The following HACD2 variants were observed in gnomAD, a reference collection of about 807,000 sequenced individuals.
HACD2 encodes the protein 3-hydroxyacyl-CoA dehydratase 2.
Under a neutral mutation model 31.0 loss-of-function variants are expected in HACD2, and 15 were observed. That is an observed-to-expected ratio of 0.48 (90% confidence interval 0.32 to 0.75). The LOEUF (loss-of-function observed/expected upper bound fraction) is 0.75. Ranked by LOEUF, HACD2 falls within the 30% of genes least tolerant of loss-of-function variation. The probability of loss-of-function intolerance (pLI) is 0.03; values close to 1 mark genes in which losing one functional copy is unlikely to be tolerated. For synonymous variants in HACD2, 115 were observed against 122.2 expected, an observed-to-expected ratio of 0.94 and a Z score of 0.39; for missense variants, 283 against 313.0, an observed-to-expected ratio of 0.90 and a Z score of 0.72.
Position 123,499,801 on chromosome 3 carries a change from T to C in HACD2, c.682+714A>G, listed in dbSNP as rs141953878. Among the ~76,000 whole-genome samples, 806 of 152,308 alleles carry C rather than the reference T, an allele frequency of 5.3e-3. 8 individuals are homozygous for C. The highest frequency in any genetic ancestry group is 0.019 in the African/African-American group (780 of 41,560). Reference sequence around the variant, plus strand: ...TAGAAATCAATCATAGGATTTATAATTGAACATCAGAATTCCAGCAAAGGA... The same window carrying C: ...TAGAAATCAATCATAGGATTTATAACTGAACATCAGAATTCCAGCAAAGGA... On this transcript the variant is annotated intron_variant, in intron 6 of 6. Coordinates refer to ENST00000383657, the MANE Select transcript of HACD2 (RefSeq NM_198402.5).
chr3:123,514,267 C>T (rs143577441), intron 4 of HACD2, among the ~76,000 whole-genome samples: 10 of 152,122 alleles, frequency 6.6e-5, no homozygotes, highest in African/African-American at 1.9e-4. Flanking sequence ...CAGAGTGAGA[C>T]TTGTCTCAAA....
rs144016517 is a variant in HACD2 at position 123,553,571 on chromosome 3, G to A, written c.292+14191C>T. On this transcript the variant is annotated intron_variant, in intron 3 of 6. Transcript: ENST00000383657. The stretch of plus-strand genomic sequence containing the variant: ...TGCTCTTTTCCCAGGTCATTTCTTA[G>A]GCTTGTGTTTTCAAGGAGCAACCTG... 3.4e-3 allele frequency among the ~76,000 whole-genome samples: 521 copies of A among 152,324 alleles called. 2 individuals are homozygous for A. Among genetic ancestry groups the A allele is most frequent in the African/African-American group, 0.012 (501 of 41,576 alleles).
Position 123,528,452 on chromosome 3 carries a change from G to A in HACD2, c.315C>T (p.Val105=). The A allele has an allele frequency of 3.1e-6, 5 of 1,611,410 alleles. No homozygotes were observed. Among genetic ancestry groups the A allele is most frequent in the East Asian group, 2.2e-5 (1 of 44,832 alleles). Residue 105 remains valine (V), a synonymous_variant, in exon 4 of 7, where the codon GTC becomes GTT. Transcript: ENST00000383657. ...TTGACATCACCTGGAAAGAAGTCAG[G>A]ACAACAGAAGATGGAACAATTCCTG... ...CAIGIVPSSV[V]LTSFQVMSRV... is the part of the protein sequence containing the mutation.
At chr3:123,566,307 A>G (rs1035494746) in intron 3 of HACD2, among the ~76,000 whole-genome samples, 16 of 151,936 alleles carry the variant, frequency 1.1e-4, no homozygotes. Flanking sequence ...TATTTTTTAA[A>G]CAGAGACTCA....
At chr3:123,573,894 A>G (rs1163578393) in intron 2 of HACD2, among the ~76,000 whole-genome samples, 3 of 152,152 alleles carry the variant, frequency 2.0e-5, no homozygotes, top group African/African-American at 7.2e-5. Context: ...CTAATTCATT[A>G]TTTGCTTAAT....
intron 4 of HACD2, among the ~76,000 whole-genome samples, chr3:123,524,003 A>C (rs552825260): frequency 6.6e-6 from 1 of 152,338 alleles, no homozygotes; most frequent in African/African-American, 2.4e-5. Context: ...GAGCACCAGA[A>C]ATTCCACAGT....
chr3:123,582,422 T>A, intron 1 of HACD2, 93 bp from the exon 2 acceptor site: 1 of 764,192 alleles, frequency 1.3e-6, no homozygotes, highest in Non-Finnish European at 2.0e-6. Context: ...AAGATATTGC[T>A]AAAGGTGACC....
rs2055769864 is a variant in HACD2 at position 123,492,025 on chromosome 3, T to C, written c.*2863A>G. On this transcript the variant is annotated 3_prime_UTR_variant, in exon 7 of 7. Coordinates refer to ENST00000383657, the MANE Select transcript of HACD2 (RefSeq NM_198402.5). Reference sequence around the variant, plus strand: ...TACACCTCTTCAACTCTCCAGCATCTAAACCTTTCCTGTCAGAAGTCTGCT... The same window carrying C: ...TACACCTCTTCAACTCTCCAGCATCCAAACCTTTCCTGTCAGAAGTCTGCT... 6.6e-6 allele frequency: 1 copy of C among 152,202 alleles called. No individual in the cohort carries two copies. The highest frequency in any genetic ancestry group is 1.5e-5 in the Non-Finnish European group (1 of 68,034). 9.4% of individuals were successfully genotyped at this position (152,202 alleles called of 1,614,324 possible).
intron 4 of HACD2, among the ~76,000 whole-genome samples, chr3:123,520,059 T>C (rs994012421): frequency 3.9e-5 from 6 of 152,190 alleles, no homozygotes; most frequent in African/African-American, 1.4e-4. Context: ...GGTGAATCCA[T>C]TGCAGAGGCC....
chr3:123,539,902 C>T (rs1358921740), intron 3 of HACD2, among the ~76,000 whole-genome samples: 1 of 110,872 alleles, frequency 9.0e-6, no homozygotes, highest in African/African-American at 3.6e-5. Flanking sequence ...GGCAAGGCCT[C>T]GTCTCTACTA....
At position 123,492,671 on chromosome 3, in the gene HACD2, A is replaced by G. The variant is rs2055778571; in HGVS notation, c.*2217T>C. ...TGTTTGCAACAGAATGTTTTTTATA[A>G]GTAGTGACAAATTATAATAAGGAGG... is the stretch of plus-strand genomic sequence containing the variant. On this transcript the variant is annotated 3_prime_UTR_variant, in exon 7 of 7. Transcript: ENST00000383657. 1 of 152,226 alleles carries G rather than the reference A, an allele frequency of 6.6e-6. No individual in the cohort carries two copies. Among genetic ancestry groups the G allele is most frequent in the Non-Finnish European group, 1.5e-5 (1 of 68,038 alleles). 9.4% of individuals were successfully genotyped at this position (152,226 alleles called of 1,614,324 possible).
chr3:123,534,745 G>A (rs1398679355), intron 3 of HACD2, among the ~76,000 whole-genome samples: 2 of 151,826 alleles, frequency 1.3e-5, no homozygotes, highest in Non-Finnish European at 2.9e-5. Flanking sequence ...GGGACACGAT[G>A]TGGAGGCAGA....
At chr3:123,529,585 C>T (rs970109857) in intron 3 of HACD2, among the ~76,000 whole-genome samples, 2 of 151,946 alleles carry the variant, frequency 1.3e-5, no homozygotes, top group Admixed American at 6.6e-5. Flanking sequence ...CATATTAGCT[C>T]GCCATGGTAG....
At chr3:123,553,067 C>A (rs920696523) in intron 3 of HACD2, among the ~76,000 whole-genome samples, 1 of 152,140 alleles carries the variant, frequency 6.6e-6, no homozygotes, top group Non-Finnish European at 1.5e-5. Context: ...TCTAATAACA[C>A]TTTCAGAAAC....
chr3:123,501,417 T>C (rs13063194), intron 5 of HACD2, among the ~76,000 whole-genome samples: 33,620 of 152,130 alleles, frequency 0.22, 3,943 homozygotes, highest in East Asian at 0.36. Context: ...ACTATAAGTA[T>C]TGCTAAAGGA....
chr3:123,580,430 C>A (rs1443004864), intron 2 of HACD2, among the ~76,000 whole-genome samples: 1 of 152,002 alleles, frequency 6.6e-6, no homozygotes, highest in Non-Finnish European at 1.5e-5. Flanking sequence ...GAGCAGTGAT[C>A]ACACCACTGC....
intron 2 of HACD2, among the ~76,000 whole-genome samples, chr3:123,579,886 A>G (rs1434685269): frequency 6.6e-6 from 1 of 152,258 alleles, no homozygotes; most frequent in Non-Finnish European, 1.5e-5. Flanking sequence ...ACTCAAATTT[A>G]GGGTAGTAAG....
At chr3:123,512,159 T>A (rs976566997) in intron 4 of HACD2, among the ~76,000 whole-genome samples, 2 of 152,208 alleles carry the variant, frequency 1.3e-5, no homozygotes, top group East Asian at 3.8e-4. Flanking sequence ...ATGAGCCCTG[T>A]TTATTTCTGG....
chr3:123,536,710 A>C (rs1471794777), intron 3 of HACD2, among the ~76,000 whole-genome samples: 2 of 152,220 alleles, frequency 1.3e-5, no homozygotes, highest in Non-Finnish European at 2.9e-5. Context: ...GACCAAAAAA[A>C]TTACCTATAA....
Sources: allele counts gnomAD v4.1 joint callset (sites outside exome capture counted in the v4.1 genomes callset), GRCh38; gene constraint gnomAD v4.1.1; transcripts MANE v1.5; gene names NCBI Gene and HGNC (gene_info 2026-07-23, HGNC 2026-07-21).